GPHN: variants seen among roughly 807,000 people sequenced by gnomAD.
GPHN encodes gephyrin.
A neutral mutation model predicts 95.5 loss-of-function variants in GPHN; 17 were observed. The ratio of observed to expected loss-of-function variants is 0.18; its 90% confidence interval spans 0.12 to 0.27. The LOEUF (loss-of-function observed/expected upper bound fraction) is 0.27. Ranked by LOEUF, GPHN falls within the 10% of genes least tolerant of loss-of-function variation. The pLI is 1.00. For synonymous variants in GPHN, 320 were observed against 322.5 expected (o/e 0.99, Z 0.08); for missense variants, 660 against 978.1 (o/e 0.67, Z 4.34).
chr14:66,508,730 A>G lies in GPHN; in HGVS notation c.64+139A>G, dbSNP rs944191204. ...GGGAACCGCGGGGGTGCATTTTACA[A>G]CCGCTGAGAACCGCCGGAGATTGGG... On this transcript the variant is annotated intron_variant, in intron 1 of 22. Coordinates refer to ENST00000478722, the MANE Select transcript of GPHN (RefSeq NM_020806.5). 8.0e-6 allele frequency: 6 copies of G among 748,610 alleles called. 1 individual carries two copies. Among genetic ancestry groups the G allele is most frequent in the Non-Finnish European group, 1.4e-5 (6 of 419,890 alleles). The allele number at this position is 748,610 out of a possible 1,614,324, so 46.4% of individuals were successfully genotyped here. A position where few individuals can be genotyped will look rare whatever the true frequency, so the allele number is the denominator to read the frequency against.
chr14:66,585,374 G>T (rs905382654), intron 1 of GPHN, among the ~76,000 whole-genome samples: 4 of 151,902 alleles, frequency 2.6e-5, no homozygotes, highest in African/African-American at 7.3e-5. Context: ...AGCGTTTTTT[G>T]TGTCTCTATT....
At chr14:66,906,078 A>C (rs1057239934) in intron 5 of GPHN, among the ~76,000 whole-genome samples, 1 of 151,542 alleles carries the variant, frequency 6.6e-6, no homozygotes. Flanking sequence ...GTAAATGATC[A>C]GAATGCTACC....
chr14:67,681,704 C>T, the GPHN span, among the ~76,000 whole-genome samples: 11 of 152,136 alleles, frequency 7.2e-5, no homozygotes, highest in African/African-American at 2.7e-4. Context: ...ATTGCTTGAA[C>T]CCAGGAGGCG....
chr14:67,223,951 A>G, the GPHN span: 21 of 985,064 alleles, frequency 2.1e-5, no homozygotes, highest in Non-Finnish European at 6.0e-6. Flanking sequence ...TGAGTCCGTA[A>G]TTCTAATTTA....
chr14:67,224,019 G>A, the GPHN span: 1 of 976,266 alleles, frequency 1.0e-6, no homozygotes, highest in Non-Finnish European at 1.2e-6. Flanking sequence ...ACAAATTCCT[G>A]GCATTATTAA....
At chr14:67,589,294 A>AACTT in the GPHN span, 1 of 957,066 alleles carries the variant, frequency 1.0e-6, no homozygotes, top group South Asian at 4.8e-5. Flanking sequence ...AGAAGAAACT[A>AACTT]ACTTAGAAAC....
At chr14:66,821,617 A>C (rs949746032) in intron 3 of GPHN, among the ~76,000 whole-genome samples, 1 of 152,228 alleles carries the variant, frequency 6.6e-6, no homozygotes, top group Admixed American at 6.5e-5. Context: ...AATCAGATGC[A>C]TGACAACTAG....
intron 1 of GPHN, among the ~76,000 whole-genome samples, chr14:66,610,045 T>A (rs1379229614): frequency 6.6e-6 from 1 of 152,158 alleles, no homozygotes; most frequent in Non-Finnish European, 1.5e-5. Flanking sequence ...TTCTTTTTCA[T>A]CTGAGTGGGC....
At chr14:66,776,665 A>T (rs1323641749) in intron 3 of GPHN, 144 bp downstream of exon 3, 3 of 685,008 alleles carry the variant, frequency 4.4e-6, no homozygotes, top group Non-Finnish European at 8.0e-6. Context: ...TTAAAAATTT[A>T]TATGTATCAG....
intron 4 of GPHN, among the ~76,000 whole-genome samples, chr14:66,832,935 A>G (rs2061635742): frequency 6.6e-6 from 1 of 152,210 alleles, no homozygotes; most frequent in Non-Finnish European, 1.5e-5. Flanking sequence ...GAAGGAAAAT[A>G]TATGAGCAAG....
the GPHN span, among the ~76,000 whole-genome samples, chr14:67,452,972 A>T: frequency 9.1e-3 from 1,391 of 152,218 alleles, 24 homozygotes; most frequent in African/African-American, 0.032. Flanking sequence ...CACACAAGGA[A>T]ATTTTTTCTG....
intron 16 of GPHN, among the ~76,000 whole-genome samples, chr14:67,119,317 G>T (rs544067801): frequency 3.3e-5 from 5 of 152,278 alleles, no homozygotes; most frequent in Admixed American, 2.0e-4. Context: ...TAGTTTGTAG[G>T]CAAGGCAGCC....
At chr14:67,247,091 T>C in the GPHN span, among the ~76,000 whole-genome samples, 2 of 152,246 alleles carry the variant, frequency 1.3e-5, no homozygotes, top group African/African-American at 4.8e-5. Context: ...TACATTCTGT[T>C]GGGATTTTGA....
At chr14:67,300,951 C>T in the GPHN span, among the ~76,000 whole-genome samples, 3 of 152,110 alleles carry the variant, frequency 2.0e-5, no homozygotes, top group African/African-American at 7.2e-5. Context: ...CTCAGCCTCT[C>T]AAAGTGCTGG....
intron 17 of GPHN, among the ~76,000 whole-genome samples, chr14:67,138,890 T>TC (rs1370305150): frequency 3.9e-5 from 5 of 128,182 alleles, no homozygotes; most frequent in African/African-American, 1.5e-4. Context: ...TCCTCTCCTT[T>TC]TTTTTTTTTT....
At chr14:67,182,863 A>G (rs1407163745), downstream of GPHN, among the ~76,000 whole-genome samples, 5 of 66,068 alleles carry the variant, frequency 7.6e-5, no homozygotes, top group Non-Finnish European at 1.5e-4. Flanking sequence ...TTTTTTTTGT[A>G]GAGGCACAGT....
chr14:67,252,198 G>GT, the GPHN span, among the ~76,000 whole-genome samples: 51 of 151,978 alleles, frequency 3.4e-4, no homozygotes, highest in African/African-American at 1.2e-3. Context: ...TTTATTTTTT[G>GT]TTTTTCTTAG....
At chr14:66,983,228 G>C (rs1304691270) in intron 9 of GPHN, among the ~76,000 whole-genome samples, 1 of 152,084 alleles carries the variant, frequency 6.6e-6, no homozygotes, top group African/African-American at 2.4e-5. Context: ...CTCCAGCCTG[G>C]ATGACAGAGC....
the GPHN span, chr14:67,388,255 C>T: frequency 7.4e-6 from 12 of 1,613,610 alleles, no homozygotes; most frequent in East Asian, 2.2e-4. Context: ...CCAGAGCAGA[C>T]ACGAGTGAAC....
Sources: allele counts gnomAD v4.1 joint callset (sites outside exome capture counted in the v4.1 genomes callset), GRCh38; gene constraint gnomAD v4.1.1; transcripts MANE v1.5; gene names NCBI Gene and HGNC (gene_info 2026-07-23, HGNC 2026-07-21).